Variants in TACC2 observed in about 807,000 individuals in gnomAD.
TACC2 encodes the protein transforming acidic coiled-coil-containing protein 2.
In TACC2, 137 loss-of-function variants were observed where a neutral mutation model predicts 227.3. The ratio of observed to expected loss-of-function variants is 0.60; its 90% CI spans 0.52 to 0.69. The LOEUF (loss-of-function observed/expected upper bound fraction) is 0.69, where lower values mean the gene tolerates loss of function less well. TACC2 is among the 30% of genes least tolerant of loss of function. The probability of loss-of-function intolerance (pLI) is 0.00; values close to 1 mark genes in which losing one functional copy is unlikely to be tolerated. For missense variants in TACC2, 3,470 were observed against 3,694.4 expected, an observed-to-expected ratio of 0.94 and a Z score of 1.57; for synonymous variants, 1,523 against 1,487.5, an observed-to-expected ratio of 1.02 and a Z score of -0.55.
In TACC2 at chr10:122,157,400, T is replaced by C. The variant is rs1022873399; in HGVS notation, c.5834+13694T>C. Among the ~76,000 whole-genome samples, 4 of 152,240 alleles carry C rather than the reference T, an allele frequency of 2.6e-5. No individual in the cohort carries two copies. The East Asian group carries it at 5.8e-4, about 22-fold the overall frequency. On this transcript the variant is annotated intron_variant, in intron 7 of 22. Transcript: ENST00000369005. Reference sequence around the variant, plus strand: ...CATAGCTATATGGAAGAATATTGTATTGGTGGGAGGATATTGTTGAAGGCA... The same window carrying C: ...CATAGCTATATGGAAGAATATTGTACTGGTGGGAGGATATTGTTGAAGGCA...
chr10:122,072,571 A>G (rs1201798039), intron 3 of TACC2, among the ~76,000 whole-genome samples: 1 of 152,290 alleles, frequency 6.6e-6, no homozygotes, highest in East Asian at 1.9e-4. Context: ...CTGTTAAGAC[A>G]TGGCAGTTTT....
chr10:122,090,495 C>T (rs1185453594), intron 5 of TACC2, among the ~76,000 whole-genome samples: 1 of 141,474 alleles, frequency 7.1e-6, no homozygotes, highest in Non-Finnish European at 1.5e-5. Context: ...TGCAGTGAGC[C>T]GAGATTGCGC....
chr10:122,114,200 G>C (rs1486397228), intron 5 of TACC2, among the ~76,000 whole-genome samples: 1 of 152,218 alleles, frequency 6.6e-6, no homozygotes. Flanking sequence ...GCAGTTTCCT[G>C]TGCTATGCCA....
At chr10:122,238,702 C>T (rs920714990) in intron 18 of TACC2, among the ~76,000 whole-genome samples, 18 of 152,078 alleles carry the variant, frequency 1.2e-4, no homozygotes, top group Admixed American at 2.6e-4. Context: ...CCACCCGCCT[C>T]GGCCTCCCAA....
intron 1 of TACC2, 79 bp downstream of exon 1, chr10:121,989,567 A>G (rs895115913): frequency 3.9e-5 from 6 of 152,184 alleles, no homozygotes; most frequent in African/African-American, 1.4e-4. Flanking sequence ...GGAAAACCCT[A>G]TCTTCTTAGG....
intron 6 of TACC2, among the ~76,000 whole-genome samples, chr10:122,139,211 T>A (rs11200429): frequency 1.3e-5 from 2 of 152,192 alleles, no homozygotes; most frequent in African/African-American, 4.8e-5. Context: ...GGGCTCTCTC[T>A]GTGAAGGTAA....
At chr10:122,003,714 G>A (rs1954701792) in intron 1 of TACC2, among the ~76,000 whole-genome samples, 1 of 151,746 alleles carries the variant, frequency 6.6e-6, no homozygotes, top group South Asian at 2.1e-4. Context: ...GGAGTGCAAT[G>A]GCGCGATCTG....
intron 2 of TACC2, among the ~76,000 whole-genome samples, chr10:122,036,141 A>G (rs182510787): frequency 2.6e-5 from 4 of 151,694 alleles, no homozygotes; most frequent in Admixed American, 6.6e-5. Context: ...TCCTTTCTCT[A>G]TAAGGCCGAA....
At chr10:122,036,610 C>T (rs1431311414) in intron 2 of TACC2, among the ~76,000 whole-genome samples, 2 of 151,560 alleles carry the variant, frequency 1.3e-5, no homozygotes, top group African/African-American at 2.4e-5. Flanking sequence ...AAGTGATTCT[C>T]ATGCCTCAGC....
chr10:122,088,005 A>G, intron 4 of TACC2, 46 bp downstream of exon 4: 3 of 1,478,140 alleles, frequency 2.0e-6, no homozygotes, highest in Non-Finnish European at 2.7e-6. Flanking sequence ...GTCAGTTTCA[A>G]AGGTGATTCC....
intron 7 of TACC2, among the ~76,000 whole-genome samples, chr10:122,153,409 C>T (rs1044701176): frequency 1.3e-5 from 2 of 152,184 alleles, no homozygotes; most frequent in Non-Finnish European, 2.9e-5. Context: ...TGGCCGAGGC[C>T]CCAAGCTCTG....
chr10:122,156,829 C>T (rs2092515798), intron 7 of TACC2, among the ~76,000 whole-genome samples: 1 of 152,188 alleles, frequency 6.6e-6, no homozygotes, highest in Non-Finnish European at 1.5e-5. Flanking sequence ...AAAGACTAGA[C>T]TTGTGAGGAC....
intron 22 of TACC2, among the ~76,000 whole-genome samples, chr10:122,251,577 G>C (rs2096255722): frequency 6.6e-6 from 1 of 152,220 alleles, no homozygotes; most frequent in East Asian, 1.9e-4. Context: ...GCATGCGACT[G>C]TGGTCCCAGC....
chr10:122,017,097 C>T (rs1029004759), intron 1 of TACC2, among the ~76,000 whole-genome samples: 3 of 151,902 alleles, frequency 2.0e-5, no homozygotes, highest in Non-Finnish European at 4.4e-5. Flanking sequence ...CTGAAGCCAC[C>T]GAATCTGTGG....
intron 5 of TACC2, among the ~76,000 whole-genome samples, chr10:122,119,188 T>C (rs907045727): frequency 1.3e-5 from 2 of 152,226 alleles, no homozygotes; most frequent in Non-Finnish European, 2.9e-5. Flanking sequence ...TTTCTACATA[T>C]ATTTTTTCCT....
chr10:122,213,901 A>T (rs1442535759), intron 9 of TACC2, among the ~76,000 whole-genome samples: 2 of 152,190 alleles, frequency 1.3e-5, no homozygotes, highest in Non-Finnish European at 2.9e-5. Context: ...AGAGTGGAGC[A>T]CACAGCTGTG....
At chr10:122,042,058 G>C (rs1200320642) in intron 2 of TACC2, among the ~76,000 whole-genome samples, 2 of 152,076 alleles carry the variant, frequency 1.3e-5, no homozygotes, top group Non-Finnish European at 2.9e-5. Flanking sequence ...CCATTCTTCT[G>C]CCTCAGCCTC....
chr10:122,132,765 G>A (rs1481770973), intron 6 of TACC2, 31 bp downstream of exon 6: 4 of 1,612,756 alleles, frequency 2.5e-6, no homozygotes, highest in South Asian at 1.1e-5. Context: ...CTGGTGATGA[G>A]ACCTCAGGGC....
At position 122,045,827 on chromosome 10, in the gene TACC2, A is replaced by T. The variant is rs1453968070; in HGVS notation, c.34-4611A>T. 3.9e-5 allele frequency among the ~76,000 whole-genome samples: 6 copies of T among 152,336 alleles called. No homozygotes were observed. The East Asian group carries it at 9.6e-4, about 24-fold the overall frequency. On this transcript the variant is annotated intron_variant, in intron 2 of 22. Coordinates refer to ENST00000369005, the MANE Select transcript of TACC2 (RefSeq NM_206862.4). Reference sequence around the variant, plus strand: ...TTTTGTTGCTTTTAACTCCATCCAGATATGTTTGTGTTGGGGAGAACTAGT... The same window carrying T: ...TTTTGTTGCTTTTAACTCCATCCAGTTATGTTTGTGTTGGGGAGAACTAGT...
Sources: allele counts gnomAD v4.1 joint callset (sites outside exome capture counted in the v4.1 genomes callset), GRCh38; gene constraint gnomAD v4.1.1; transcripts MANE v1.5; gene names NCBI Gene and HGNC (gene_info 2026-07-23, HGNC 2026-07-21).